CCDC171: variants seen among roughly 807,000 people sequenced by gnomAD.
CCDC171 encodes the protein coiled-coil domain-containing protein 171.
In CCDC171, 177 loss-of-function variants were observed where a neutral mutation model predicts 168.2. The observed-to-expected ratio is 1.05, with a 90% CI of 0.93 to 1.19. The LOEUF (loss-of-function observed/expected upper bound fraction) is 1.19. Ranked by LOEUF, CCDC171 falls within the 50% of genes most tolerant of loss-of-function variation. CCDC171 has a pLI of 0.00. For synonymous variants in CCDC171, 687 were observed against 540.8 expected (o/e 1.27, Z -3.75); for missense variants, 1,991 against 1,539.0 (o/e 1.29, Z -4.91).
chr9:15,904,364 C>CT (rs1399940605), intron 24 of CCDC171, among the ~76,000 whole-genome samples: 1 of 152,160 alleles, frequency 6.6e-6, no homozygotes, highest in Non-Finnish European at 1.5e-5. Context: ...ACAGTGGGGG[C>CT]TAATATTCAA....
chr9:15,721,023 A>G (rs1305018420), intron 11 of CCDC171, among the ~76,000 whole-genome samples: 1 of 152,214 alleles, frequency 6.6e-6, no homozygotes, highest in Non-Finnish European at 1.5e-5. Flanking sequence ...ACTTGGAGCT[A>G]CGTTTGATCA....
intron 8 of CCDC171, among the ~76,000 whole-genome samples, chr9:15,660,331 T>C (rs1478161044): frequency 6.6e-6 from 1 of 152,222 alleles, no homozygotes; most frequent in Admixed American, 6.5e-5. Context: ...ATTTCAGCTT[T>C]TATTTAGATT....
chr9:15,738,740 G>A (rs1034300944), intron 16 of CCDC171, among the ~76,000 whole-genome samples: 1 of 151,934 alleles, frequency 6.6e-6, no homozygotes, highest in Non-Finnish European at 1.5e-5. Flanking sequence ...AGTTCCCTAT[G>A]GAAAGTCAGA....
intron 7 of CCDC171, among the ~76,000 whole-genome samples, chr9:15,643,740 C>T (rs1293844715): frequency 1.3e-5 from 2 of 152,204 alleles, no homozygotes; most frequent in Non-Finnish European, 1.5e-5. Flanking sequence ...TCTCCTTCTT[C>T]CCTATCCTCC....
chr9:15,930,497 C>G (rs1221090585), intron 25 of CCDC171, among the ~76,000 whole-genome samples: 1 of 151,502 alleles, frequency 6.6e-6, no homozygotes, highest in Admixed American at 6.6e-5. Flanking sequence ...TTTGGCACCC[C>G]TACCTCTGGG....
At chr9:15,940,172 T>A (rs1347216106) in intron 25 of CCDC171, among the ~76,000 whole-genome samples, 1 of 151,906 alleles carries the variant, frequency 6.6e-6, no homozygotes, top group Non-Finnish European at 1.5e-5. Flanking sequence ...ATCTTTGAAA[T>A]AATGAAATAT....
intron 10 of CCDC171, among the ~76,000 whole-genome samples, chr9:15,691,518 AT>A: frequency 8.4e-6 from 1 of 118,652 alleles, no homozygotes. Flanking sequence ...ATATTTAATG[AT>A]TAAAAATACC....
At chr9:15,969,873 C>G (rs1178789488) in intron 25 of CCDC171, among the ~76,000 whole-genome samples, 1 of 152,134 alleles carries the variant, frequency 6.6e-6, no homozygotes, top group Non-Finnish European at 1.5e-5. Flanking sequence ...GTGTACACCT[C>G]TAGCCTCTGA....
intron 14 of CCDC171, among the ~76,000 whole-genome samples, chr9:15,726,920 T>G (rs1347696186): frequency 6.6e-6 from 1 of 152,114 alleles, no homozygotes; most frequent in Non-Finnish European, 1.5e-5. Flanking sequence ...GCTTTGGGAC[T>G]TTACAGATGA....
intron 7 of CCDC171, among the ~76,000 whole-genome samples, chr9:15,648,794 A>C (rs897428406): frequency 6.6e-6 from 1 of 152,242 alleles, no homozygotes; most frequent in African/African-American, 2.4e-5. Flanking sequence ...GATAGGAAGA[A>C]TAAATATCAT....
intron 7 of CCDC171, among the ~76,000 whole-genome samples, chr9:15,650,994 TCTTCC>T (rs2047469347): frequency 6.6e-6 from 1 of 152,196 alleles, no homozygotes; most frequent in Non-Finnish European, 1.5e-5. Context: ...AGTCAATCTG[TCTTCC>T]CTGCCACCCA....
At chr9:15,825,270 A>C (rs942586693) in intron 21 of CCDC171, among the ~76,000 whole-genome samples, 2 of 152,142 alleles carry the variant, frequency 1.3e-5, no homozygotes, top group African/African-American at 4.8e-5. Context: ...GACAAGGAGC[A>C]GGTGAGATCA....
chr9:15,828,423 G>A (rs1470331120), intron 21 of CCDC171, among the ~76,000 whole-genome samples: 2 of 151,840 alleles, frequency 1.3e-5, no homozygotes, highest in African/African-American at 4.8e-5. Context: ...CATATTAGGT[G>A]TTTAGTTTGA....
intron 1 of CCDC171, among the ~76,000 whole-genome samples, chr9:15,557,645 G>C (rs545550126): frequency 2.0e-5 from 3 of 152,240 alleles, no homozygotes; most frequent in South Asian, 2.1e-4. Context: ...GTGCTGAGAC[G>C]ATGGGGTTTT....
At chr9:15,737,658 C>T (rs771568114) in intron 16 of CCDC171, among the ~76,000 whole-genome samples, 4 of 152,136 alleles carry the variant, frequency 2.6e-5, no homozygotes, top group Non-Finnish European at 5.9e-5. Context: ...TTATAATTTA[C>T]AGTGCTTTAG....
At chr9:15,956,376 A>G (rs1239202915) in intron 25 of CCDC171, among the ~76,000 whole-genome samples, 1 of 152,140 alleles carries the variant, frequency 6.6e-6, no homozygotes, top group Non-Finnish European at 1.5e-5. Flanking sequence ...TGGAATTGAA[A>G]TCATAATTCT....
chr9:15,606,840 C>T (rs2131758203), intron 6 of CCDC171, among the ~76,000 whole-genome samples: 1 of 152,168 alleles, frequency 6.6e-6, no homozygotes, highest in East Asian at 1.9e-4. Context: ...GTTCAACAGC[C>T]CCCTCTAGTG....
At chr9:16,057,790 C>T (rs184139720) in intron 1 of CCDC171, among the ~76,000 whole-genome samples, 2 of 152,292 alleles carry the variant, frequency 1.3e-5, no homozygotes, top group South Asian at 2.1e-4. Context: ...CAAGCTCCCC[C>T]CAGATGATAT....
chr9:16,100,610 A>G, the CCDC171 span, among the ~76,000 whole-genome samples: 8 of 152,224 alleles, frequency 5.3e-5, no homozygotes, highest in Non-Finnish European at 1.2e-4. Context: ...AGAACTGGAA[A>G]GAATAACCCA....
Sources: allele counts gnomAD v4.1 joint callset (sites outside exome capture counted in the v4.1 genomes callset), GRCh38; gene constraint gnomAD v4.1.1; transcripts MANE v1.5; gene names NCBI Gene and HGNC (gene_info 2026-07-23, HGNC 2026-07-21).